ZNF425: variants seen among roughly 807,000 people sequenced by gnomAD.
ZNF425 encodes the protein zinc finger protein 425.
A neutral mutation model predicts 17.0 loss-of-function variants in ZNF425; 21 were observed. The ratio of observed to expected loss-of-function variants is 1.23; its 90% CI spans 0.88 to 1.78. The LOEUF (loss-of-function observed/expected upper bound fraction) is 1.78. ZNF425 is among the 40% of genes most tolerant of loss of function. The pLI is 0.00. For synonymous variants in ZNF425, 433 were observed against 384.1 expected, an observed-to-expected ratio of 1.13 and a Z score of -1.49; for missense variants, 868 against 967.3, an observed-to-expected ratio of 0.90 and a Z score of 1.36.
chr7:149,123,680 C>T (rs1351814715), intron 1 of ZNF425, among the ~76,000 whole-genome samples: 1 of 151,800 alleles, frequency 6.6e-6, no homozygotes, highest in South Asian at 2.1e-4. Context: ...TACAGGAGCG[C>T]GCCACCACAC....
At chr7:149,107,855 TATTTA>T in intron 3 of ZNF425, among the ~76,000 whole-genome samples, 1 of 150,132 alleles carries the variant, frequency 6.7e-6, no homozygotes, top group Middle Eastern at 3.4e-3. Flanking sequence ...TTTATTTATT[TATTTA>T]TTTATTTATT....
intron 1 of ZNF425, among the ~76,000 whole-genome samples, chr7:149,123,991 G>A (rs1563149652): frequency 1.3e-5 from 2 of 151,244 alleles, no homozygotes; most frequent in Non-Finnish European, 2.9e-5. Flanking sequence ...GGGACTACAG[G>A]CGCCCACCAC....
In ZNF425 at chr7:149,105,399, CTTT is replaced by C; in HGVS notation, c.469_471del (p.Lys157del). 6.3e-7 allele frequency: 1 copy of C among 1,581,758 alleles called. No individual in the cohort carries two copies. The highest frequency in any genetic ancestry group is 1.4e-5 in the African/African-American group (1 of 73,088). ...TCTGGATCATATGCTGTGATGCTGA[CTTT>C]TTTATTTAGAATCTCTGTTTCTCGG... On this transcript the variant is annotated inframe_deletion, in exon 4 of 4. Coordinates refer to ENST00000378061, the MANE Select transcript of ZNF425 (RefSeq NM_001001661.3).
chr7:149,123,214 G>T (rs76197059), intron 1 of ZNF425, among the ~76,000 whole-genome samples: 5,526 of 152,262 alleles, frequency 0.036, 325 homozygotes, highest in African/African-American at 0.13. Context: ...ACTGTGTCAA[G>T]AGGGAAGCAA....
intron 3 of ZNF425, chr7:149,111,906 T>C (rs1314113940): frequency 3.1e-6 from 1 of 317,748 alleles, no homozygotes; most frequent in Non-Finnish European, 5.8e-6. Context: ...GGTCTGGAAC[T>C]CCTGACCTCA....
At chr7:149,119,111 ATTT>A (rs35943015) in intron 1 of ZNF425, among the ~76,000 whole-genome samples, 15 of 130,124 alleles carry the variant, frequency 1.2e-4, no homozygotes, top group Non-Finnish European at 8.3e-5. Context: ...ACCAGCCTAG[ATTT>A]TTTTTTTTTT....
In ZNF425 at chr7:149,104,104, C is replaced by T. The variant is rs766757962; in HGVS notation, c.1767G>A (p.Lys589=). The change falls in exon 4 of 4, where the codon AAG becomes AAA. Residue 589 remains lysine, a synonymous_variant. Transcript: ENST00000378061. This position sits in a 1 kb window ranked among gnomAD's most constrained non-coding sequence, Gnocchi z 4.3. ...EKPFACGECD[K]TYTHQSQLTE... is the part of the protein sequence containing the mutation. ...TGAGCTGAGACTGATGCGTGTAGGT[C>T]TTGTCACACTCACCGCACGCGAAGG... 1 of 1,612,778 alleles carries T rather than the reference C, an allele frequency of 6.2e-7. No homozygotes were observed. The highest frequency in any genetic ancestry group is 1.1e-5 in the South Asian group (1 of 91,084).
rs112763893 is a variant in ZNF425, at chr7:149,105,527, C to T, written c.344G>A (p.Arg115His). 1.2e-4 allele frequency: 186 copies of T among 1,515,632 alleles called. No individual in the cohort carries two copies. Among genetic ancestry groups the T allele is most frequent in the Admixed American group, 1.6e-4 (7 of 43,094 alleles). The allele number at this position is 1,515,632 out of a possible 1,614,324, so 93.9% of individuals were successfully genotyped here. The change falls in exon 4 of 4, where the codon CGT becomes CAT. Residue 115 changes from arginine (R) to histidine (H), a missense_variant. By Grantham distance (29) the Arg-to-His change is conservative. Coordinates refer to ENST00000378061, the MANE Select transcript of ZNF425 (RefSeq NM_001001661.3). Reference protein sequence around the residue: ...GTPRTKEEDCRLNGPQKQDLC... With the variant: ...GTPRTKEEDCHLNGPQKQDLC... ...GTCCTGTTTTTGAGGACCATTTAAA[C>T]GGCAATCCTCTTCTTTTGTCCTGGG...
intron 1 of ZNF425, among the ~76,000 whole-genome samples, chr7:149,122,238 T>G (rs918580399): frequency 3.3e-5 from 5 of 152,038 alleles, no homozygotes; most frequent in African/African-American, 1.2e-4. Flanking sequence ...GGCCATCTTT[T>G]GCCCATTTTC....
At chr7:149,106,642 T>C (rs1263399769) in intron 3 of ZNF425, among the ~76,000 whole-genome samples, 1 of 152,196 alleles carries the variant, frequency 6.6e-6, no homozygotes, top group Non-Finnish European at 1.5e-5. Flanking sequence ...TTAACTTTTA[T>C]ATTCTTTTCA....
chr7:149,118,480 A>G (rs1563148326), intron 1 of ZNF425, 132 bp from the exon 2 acceptor site: 3 of 1,128,194 alleles, frequency 2.7e-6, no homozygotes, highest in Non-Finnish European at 3.8e-6. Context: ...TATAAAATAA[A>G]CAACAAAGGG....
In ZNF425 at chr7:149,104,710, A is replaced by G; in HGVS notation, c.1161T>C (p.Ser387=). 1 of 1,613,642 alleles carries G rather than the reference A, an allele frequency of 6.2e-7. No individual in the cohort carries two copies. Among genetic ancestry groups the G allele is most frequent in the East Asian group, 2.2e-5 (1 of 44,862 alleles). Residue 387 remains serine (S), a synonymous_variant, in exon 4 of 4, where the codon TCT becomes TCC. Coordinates refer to ENST00000378061, the MANE Select transcript of ZNF425 (RefSeq NM_001001661.3). This position sits in a 1 kb window ranked among gnomAD's most constrained non-coding sequence, Gnocchi z 4.3. ...QRTHSEEKPF[S]CGECGRKFIY... is the part of the protein sequence containing the mutation. The stretch of plus-strand genomic sequence containing the variant: ...TGAATTTCCTGCCACATTCACCACA[A>G]GAAAACGGCTTTTCCTCGCTGTGCG...
intron 3 of ZNF425, among the ~76,000 whole-genome samples, chr7:149,109,364 A>G (rs1319126088): frequency 6.6e-6 from 1 of 152,140 alleles, no homozygotes; most frequent in Non-Finnish European, 1.5e-5. Flanking sequence ...GGCATGAGCC[A>G]CGGCACCCAG....
chr7:149,114,790 A>G (rs1826232455), intron 2 of ZNF425, among the ~76,000 whole-genome samples: 1 of 151,214 alleles, frequency 6.6e-6, no homozygotes, highest in Admixed American at 6.6e-5. Flanking sequence ...GAGTAAAAAA[A>G]AAAAAAAAGA....
At chr7:149,118,552 C>T in intron 1 of ZNF425, 1 of 590,796 alleles carries the variant, frequency 1.7e-6, no homozygotes, top group Non-Finnish European at 2.9e-6. Context: ...GTCGCTCACG[C>T]CTGTAATCCC....
chr7:149,113,708 C>T (rs1159779377), intron 2 of ZNF425, among the ~76,000 whole-genome samples: 5 of 151,958 alleles, frequency 3.3e-5, no homozygotes, highest in Non-Finnish European at 2.9e-5. Context: ...CCTGCCACCA[C>T]GCCCGGCTAA....
rs869026303 is a variant in ZNF425 at position 149,117,642 on chromosome 7, C to CTTTTTTT, written c.145+573_145+579dup. Among the ~76,000 whole-genome samples the CTTTTTTT allele has an allele frequency of 1.4e-3, 77 of 54,992 alleles. 10 individuals carry two copies. Among genetic ancestry groups the CTTTTTTT allele is most frequent in the African/African-American group, 2.4e-3 (32 of 13,120 alleles). The allele number at this position is 54,992 out of a possible 152,430, so 36.1% of individuals were successfully genotyped here. A position where few individuals can be genotyped will look rare whatever the true frequency, so the allele number is the denominator to read the frequency against. On this transcript the variant is annotated intron_variant, in intron 2 of 3. Coordinates refer to ENST00000378061, the MANE Select transcript of ZNF425 (RefSeq NM_001001661.3). ...GGGGCAATTAGATTACTTAGTAATT[C>CTTTTTTT]TTTTTTTTTTTTTTTTTTTTTTTTT...
intron 1 of ZNF425, among the ~76,000 whole-genome samples, chr7:149,120,269 C>T (rs1260955561): frequency 2.0e-5 from 3 of 152,152 alleles, no homozygotes; most frequent in African/African-American, 7.2e-5. Flanking sequence ...GTAGCCCCAG[C>T]TACTCGGGAG....
chr7:149,121,881 T>C (rs2129518601), intron 1 of ZNF425, among the ~76,000 whole-genome samples: 1 of 151,782 alleles, frequency 6.6e-6, no homozygotes, highest in South Asian at 2.1e-4. Context: ...GAAAATATTC[T>C]CTTTGGCAAA....
Sources: gnomAD v4.1 joint callset for allele counts (sites outside exome capture counted in the v4.1 genomes callset) on GRCh38, gnomAD v4.1.1 for gene constraint, Gnocchi (gnomAD v3.1) non-coding constraint, MANE v1.5 for transcripts, NCBI Gene and HGNC (gene_info 2026-07-23, HGNC 2026-07-21) for gene names.